Variants in SEMA3A observed in about 807,000 individuals in gnomAD.
SEMA3A encodes the protein semaphorin-3A.
In SEMA3A, 29 loss-of-function variants were observed where a neutral mutation model predicts 97.9. The observed-to-expected ratio is 0.30, with a 90% CI of 0.22 to 0.40. The LOEUF (loss-of-function observed/expected upper bound fraction) is 0.40. SEMA3A is among the 10% of genes least tolerant of loss of function. SEMA3A has a pLI of 1.00. For missense variants in SEMA3A, 763 were observed against 951.3 expected (o/e 0.80, Z 2.60); for synonymous variants, 321 against 323.7 (o/e 0.99, Z 0.09).
chr7:83,998,323 G>A (rs1305335612), intron 12 of SEMA3A, among the ~76,000 whole-genome samples: 4 of 152,108 alleles, frequency 2.6e-5, no homozygotes, highest in African/African-American at 9.7e-5. Flanking sequence ...AATATTTTAG[G>A]CAATGATAAC....
At chr7:84,362,363 A>G (rs550182570) in intron 2 of SEMA3A, among the ~76,000 whole-genome samples, 6 of 152,170 alleles carry the variant, frequency 3.9e-5, no homozygotes, top group African/African-American at 1.4e-4. Context: ...TCAACCATAC[A>G]ATAAATGTTC....
intron 1 of SEMA3A, among the ~76,000 whole-genome samples, chr7:84,485,784 T>C (rs995952827): frequency 6.6e-5 from 10 of 152,074 alleles, no homozygotes; most frequent in African/African-American, 2.2e-4. Flanking sequence ...AATTCAAAGG[T>C]TTAGTATTGT....
chr7:84,047,162 C>A (rs1479446272), intron 5 of SEMA3A, among the ~76,000 whole-genome samples: 1 of 152,008 alleles, frequency 6.6e-6, no homozygotes, highest in Admixed American at 6.6e-5. Context: ...CACTCCAATG[C>A]AAGATTCCAT....
chr7:84,394,819 G>A (rs1218898540), intron 1 of SEMA3A, among the ~76,000 whole-genome samples: 1 of 152,074 alleles, frequency 6.6e-6, no homozygotes, highest in African/African-American at 2.4e-5. Context: ...TACATAAAAT[G>A]TAACAAATAT....
At chr7:84,229,275 A>C (rs1799062217) in intron 3 of SEMA3A, among the ~76,000 whole-genome samples, 1 of 152,150 alleles carries the variant, frequency 6.6e-6, no homozygotes, top group Non-Finnish European at 1.5e-5. Flanking sequence ...AACAATTAAA[A>C]AGCATTTTTA....
intron 1 of SEMA3A, among the ~76,000 whole-genome samples, chr7:84,403,325 G>T (rs1383961705): frequency 2.6e-5 from 4 of 152,190 alleles, no homozygotes; most frequent in Non-Finnish European, 4.4e-5. Flanking sequence ...AGATCAAACT[G>T]CAAGGTGGCA....
chr7:84,135,621 C>A (rs1380263591), intron 1 of SEMA3A, among the ~76,000 whole-genome samples: 1 of 152,046 alleles, frequency 6.6e-6, no homozygotes, highest in Non-Finnish European at 1.5e-5. Flanking sequence ...TTCATTTGTT[C>A]CAAGCCATTA....
intron 3 of SEMA3A, among the ~76,000 whole-genome samples, chr7:84,300,012 A>G (rs1800968015): frequency 2.1e-5 from 3 of 144,738 alleles, no homozygotes; most frequent in African/African-American, 5.2e-5. Flanking sequence ...AGCCTGGGTG[A>G]CAAGAGTGAG....
chr7:84,295,838 G>A (rs1800857321), intron 3 of SEMA3A, among the ~76,000 whole-genome samples: 1 of 151,724 alleles, frequency 6.6e-6, no homozygotes, highest in South Asian at 2.1e-4. Context: ...AATATATTGA[G>A]GGTAATGATT....
At chr7:84,410,442 T>G (rs905877365) in intron 1 of SEMA3A, among the ~76,000 whole-genome samples, 2 of 152,194 alleles carry the variant, frequency 1.3e-5, no homozygotes, top group South Asian at 4.1e-4. Context: ...CCAACCCAGA[T>G]TGCACACTCC....
intron 3 of SEMA3A, among the ~76,000 whole-genome samples, chr7:84,114,603 TG>T (rs11324771): frequency 0.72 from 110,015 of 151,846 alleles, 40,331 homozygotes; most frequent in East Asian, 0.91. Flanking sequence ...GCTTAATTCC[TG>T]AAGTTAATCT....
At position 84,302,779 on chromosome 7, in the gene SEMA3A, G is replaced by T. The variant is rs1269849381; in HGVS notation, c.-83+4428C>A. ...AGTAAAAGGGATATCTTGGGAGCCA[G>T]ATCTTACTACATAAGGGAAACAAAT... On this transcript the variant is annotated intron_variant, in intron 3 of 3. Transcript: ENST00000424555. Among the ~76,000 whole-genome samples, 4 of 152,154 alleles carry T rather than the reference G, an allele frequency of 2.6e-5. No individual in the cohort carries two copies. The South Asian group carries it at 8.3e-4, about 32-fold the overall frequency.
intron 2 of SEMA3A, among the ~76,000 whole-genome samples, chr7:84,325,254 A>G (rs551858011): frequency 1.3e-5 from 2 of 152,192 alleles, no homozygotes; most frequent in South Asian, 2.1e-4. Flanking sequence ...TCCTGCTCCT[A>G]TAAAACTAAC....
chr7:84,467,145 T>C (rs1017666396), intron 1 of SEMA3A, among the ~76,000 whole-genome samples: 1 of 152,290 alleles, frequency 6.6e-6, no homozygotes, highest in Non-Finnish European at 1.5e-5. Context: ...AACCTAATCA[T>C]CTTTATGCAC....
intron 2 of SEMA3A, among the ~76,000 whole-genome samples, chr7:84,327,608 A>G (rs1380962291): frequency 1.3e-5 from 2 of 152,042 alleles, no homozygotes; most frequent in East Asian, 3.9e-4. Context: ...GATATTGTAT[A>G]TGAGATCTTT....
At chr7:84,487,351 G>A (rs1019160135) in intron 1 of SEMA3A, among the ~76,000 whole-genome samples, 4 of 152,032 alleles carry the variant, frequency 2.6e-5, no homozygotes, top group East Asian at 1.9e-4. Flanking sequence ...GTTTGAAACC[G>A]TGGAAGTAAG....
At position 84,069,546 on chromosome 7, in the gene SEMA3A, C is replaced by A. The variant is rs140016111; in HGVS notation, c.454-8988G>T. ...TTTGAAATATCTGTAAATATTTTGA[C>A]CTTTCACAATGCATTGAAAATTCTT... On this transcript the variant is annotated intron_variant, in intron 4 of 16. Transcript: ENST00000265362. Among the ~76,000 whole-genome samples, 388 of 152,078 alleles carry A rather than the reference C, an allele frequency of 2.6e-3. 2 individuals are homozygous for A. Among genetic ancestry groups the A allele is most frequent in the African/African-American group, 8.8e-3 (366 of 41,522 alleles).
chr7:83,980,643 C>T (rs57799376), intron 14 of SEMA3A, among the ~76,000 whole-genome samples: 41,749 of 120,512 alleles, frequency 0.35, 7,941 homozygotes, highest in Middle Eastern at 0.43. Context: ...TATATATACA[C>T]ACACACACAC....
rs544848688 is a variant in SEMA3A, at chr7:84,343,659, A to G, written c.-169+28165T>C. On this transcript the variant is annotated intron_variant, in intron 2 of 3. Coordinates refer to the SEMA3A transcript ENST00000424555. ...AAAGCCAAGTGGAGATGTCAATATA[A>G]AATTAGCAGTATGGATGGGGAGAGG... 5.3e-5 allele frequency among the ~76,000 whole-genome samples: 8 copies of G among 152,206 alleles called. No homozygotes were observed. The South Asian group carries it at 6.2e-4, about 12-fold the overall frequency.
Sources: allele counts gnomAD v4.1 joint callset (sites outside exome capture counted in the v4.1 genomes callset), GRCh38; gene constraint gnomAD v4.1.1; transcripts MANE v1.5; gene names NCBI Gene and HGNC (gene_info 2026-07-23, HGNC 2026-07-21).